Variants in CTNNA3 observed in about 807,000 individuals in gnomAD.
The protein encoded by CTNNA3 is catenin alpha 3.
CTNNA3 carries 76 observed loss-of-function variants against 95.7 expected under a neutral mutation model. The observed-to-expected ratio is 0.79, with a 90% CI of 0.66 to 0.96. The LOEUF (loss-of-function observed/expected upper bound fraction) is 0.96, where lower values mean the gene tolerates loss of function less well. Ranked by LOEUF, CTNNA3 falls within the 40% of genes least tolerant of loss-of-function variation. The probability of loss-of-function intolerance (pLI) is 0.00; values close to 1 mark genes in which losing one functional copy is unlikely to be tolerated. For synonymous variants in CTNNA3, 431 were observed against 374.4 expected, an observed-to-expected ratio of 1.15 and a Z score of -1.74; for missense variants, 1,191 against 1,089.8, an observed-to-expected ratio of 1.09 and a Z score of -1.31.
At chr10:67,524,395 C>CAA (rs200850487) in intron 4 of CTNNA3, among the ~76,000 whole-genome samples, 2,467 of 67,432 alleles carry the variant, frequency 0.037, 66 homozygotes, top group African/African-American at 0.05. Context: ...GACTCTGTCT[C>CAA]AAAAAAAAAA....
At chr10:67,148,679 T>C (rs558753473) in intron 7 of CTNNA3, among the ~76,000 whole-genome samples, 1 of 152,344 alleles carries the variant, frequency 6.6e-6, no homozygotes, top group Admixed American at 6.5e-5. Context: ...CCTCATCCAG[T>C]GCACTACCCT....
chr10:67,625,027 C>T (rs930000807), intron 2 of CTNNA3, among the ~76,000 whole-genome samples: 4 of 152,076 alleles, frequency 2.6e-5, no homozygotes, highest in East Asian at 1.9e-4. Context: ...CTTTTGACCA[C>T]GTAGGAGCCC....
intron 7 of CTNNA3, among the ~76,000 whole-genome samples, chr10:67,107,860 C>T (rs1251599600): frequency 6.6e-6 from 1 of 152,184 alleles, no homozygotes; most frequent in Non-Finnish European, 1.5e-5. Flanking sequence ...GGCCCCTCCT[C>T]TTCCTGTGTG....
intron 15 of CTNNA3, among the ~76,000 whole-genome samples, chr10:66,000,276 C>T (rs1402122483): frequency 2.0e-5 from 3 of 151,854 alleles, no homozygotes; most frequent in Admixed American, 6.6e-5. Context: ...TTTCCTATCC[C>T]TGACCTCATC....
chr10:67,750,244 A>G, intron 1 of CTNNA3: 2 of 1,484,110 alleles, frequency 1.3e-6, no homozygotes, highest in East Asian at 4.5e-5. Flanking sequence ...GCAGGACGTG[A>G]GACTTCTAGT....
chr10:67,366,516 C>T (rs751990313), intron 5 of CTNNA3, among the ~76,000 whole-genome samples: 1 of 152,082 alleles, frequency 6.6e-6, no homozygotes, highest in East Asian at 1.9e-4. Context: ...TGGCACATGC[C>T]TCCAATCCCA....
intron 10 of CTNNA3, among the ~76,000 whole-genome samples, chr10:66,587,739 G>A (rs1389869936): frequency 1.3e-5 from 2 of 152,138 alleles, no homozygotes; most frequent in African/African-American, 4.8e-5. Context: ...CACTCATAAT[G>A]TTCGCTAAAA....
At chr10:66,352,656 A>C (rs113275064) in intron 12 of CTNNA3, among the ~76,000 whole-genome samples, 15 of 152,108 alleles carry the variant, frequency 9.9e-5, no homozygotes, top group Non-Finnish European at 1.5e-4. Flanking sequence ...CCTAATTGGC[A>C]CAGAGACTCT....
At chr10:67,184,178 T>C (rs1862723885) in intron 6 of CTNNA3, among the ~76,000 whole-genome samples, 2 of 152,192 alleles carry the variant, frequency 1.3e-5, no homozygotes. Context: ...GTAGTTATCA[T>C]TCTTTGGCCT....
chr10:67,182,982 C>T (rs1862636098), intron 6 of CTNNA3, among the ~76,000 whole-genome samples: 1 of 152,166 alleles, frequency 6.6e-6, no homozygotes, highest in African/African-American at 2.4e-5. Flanking sequence ...ATCAAAACCA[C>T]AATGAGATGC....
At chr10:65,938,194 T>C (rs2077372636) in intron 17 of CTNNA3, among the ~76,000 whole-genome samples, 1 of 152,172 alleles carries the variant, frequency 6.6e-6, no homozygotes, top group Non-Finnish European at 1.5e-5. Flanking sequence ...TAGGTAGATA[T>C]TGTATCCTGG....
At chr10:67,120,871 T>A (rs549048327) in intron 7 of CTNNA3, among the ~76,000 whole-genome samples, 1 of 152,206 alleles carries the variant, frequency 6.6e-6, no homozygotes, top group African/African-American at 2.4e-5. Flanking sequence ...CTGATGTTGG[T>A]GAAGGTGAGT....
chr10:66,814,966 C>T (rs776929654), intron 7 of CTNNA3, among the ~76,000 whole-genome samples: 3 of 151,230 alleles, frequency 2.0e-5, no homozygotes, highest in Non-Finnish European at 4.4e-5. Flanking sequence ...ATTCTCTTGC[C>T]TCAGCCTCCC....
At chr10:66,767,591 TCAGA>T (rs1056641490) in intron 8 of CTNNA3, among the ~76,000 whole-genome samples, 30 of 152,118 alleles carry the variant, frequency 2.0e-4, no homozygotes, top group Non-Finnish European at 1.5e-4. Context: ...TAAATAGCTG[TCAGA>T]CAGAAAAATG....
intron 7 of CTNNA3, among the ~76,000 whole-genome samples, chr10:66,792,329 T>G (rs1199560445): frequency 6.6e-6 from 1 of 152,214 alleles, no homozygotes; most frequent in Non-Finnish European, 1.5e-5. Context: ...CATCAATAAT[T>G]CAGATAAAGC....
At position 67,694,696 on chromosome 10, in the gene CTNNA3, T is replaced by C. The variant is rs12572938; in HGVS notation, c.-6+1304A>G. 0.043 allele frequency among the ~76,000 whole-genome samples: 6,468 copies of C among 152,078 alleles called. 645 individuals carry two copies. The East Asian group carries it at 0.44, about 10-fold the overall frequency. On this transcript the variant is annotated intron_variant, in intron 1 of 17. Coordinates refer to ENST00000433211, the MANE Select transcript of CTNNA3 (RefSeq NM_013266.4). ...GAAAATGTTTTGGTATATGGTTAAA[T>C]GAAAAAGCAAGGTTCCAAATTTTAT...
chr10:66,851,633 TACACACACACACACACACACACACAC>T (rs35986426), intron 7 of CTNNA3, among the ~76,000 whole-genome samples: 1 of 144,380 alleles, frequency 6.9e-6, no homozygotes, highest in Non-Finnish European at 1.5e-5. Flanking sequence ...TTCTCTCACA[TACACACACACACACACACACACACAC>T]ACACACACAC....
chr10:66,266,143 A>AGAAG (rs1023809018), intron 13 of CTNNA3, among the ~76,000 whole-genome samples: 4 of 150,800 alleles, frequency 2.7e-5, no homozygotes, highest in Non-Finnish European at 5.9e-5. Context: ...AAGGAAGGAA[A>AGAAG]GAAGGAAGGA....
chr10:66,280,325 G>A, intron 13 of CTNNA3, 145 bp downstream of exon 13: 1 of 657,426 alleles, frequency 1.5e-6, no homozygotes, highest in Non-Finnish European at 2.5e-6. Context: ...ATCTGACTTT[G>A]GGGATACATA....
Sources: gnomAD v4.1 joint callset for allele counts (sites outside exome capture counted in the v4.1 genomes callset) on GRCh38, gnomAD v4.1.1 for gene constraint, MANE v1.5 for transcripts, NCBI Gene and HGNC (gene_info 2026-07-23, HGNC 2026-07-21) for gene names.